The following PTPRJ variants were observed in gnomAD, a reference collection of about 807,000 sequenced individuals.
PTPRJ encodes receptor-type tyrosine-protein phosphatase eta.
A neutral mutation model predicts 141.3 loss-of-function variants in PTPRJ; 129 were observed. That is an observed-to-expected ratio of 0.91 (90% CI 0.79 to 1.06). The LOEUF (loss-of-function observed/expected upper bound fraction) is 1.06. PTPRJ is among the 50% of genes least tolerant of loss of function. The probability of loss-of-function intolerance (pLI) is 0.00; values close to 1 mark genes in which losing one functional copy is unlikely to be tolerated. For synonymous variants in PTPRJ, 610 were observed against 640.5 expected, an observed-to-expected ratio of 0.95 and a Z score of 0.72; for missense variants, 1,601 against 1,679.7, an observed-to-expected ratio of 0.95 and a Z score of 0.82.
At chr11:48,001,942 G>T (rs765771129) in intron 1 of PTPRJ, among the ~76,000 whole-genome samples, 1 of 151,930 alleles carries the variant, frequency 6.6e-6, no homozygotes, top group Admixed American at 6.6e-5. Flanking sequence ...TGACTGTTTT[G>T]TTGTTCAAGT....
At chr11:48,105,693 G>C (rs1395408978) in intron 1 of PTPRJ, among the ~76,000 whole-genome samples, 1 of 152,182 alleles carries the variant, frequency 6.6e-6, no homozygotes, top group Non-Finnish European at 1.5e-5. Flanking sequence ...CTGTCAGGCT[G>C]ACGGGCTTTC....
chr11:48,075,337 G>A (rs909360714), intron 1 of PTPRJ, among the ~76,000 whole-genome samples: 5 of 152,082 alleles, frequency 3.3e-5, no homozygotes, highest in African/African-American at 1.2e-4. Flanking sequence ...ATGTTGGCCA[G>A]GCTGGTCTTG....
chr11:48,165,541 C>T (rs558059815), intron 24 of PTPRJ, among the ~76,000 whole-genome samples: 6 of 152,212 alleles, frequency 3.9e-5, no homozygotes, highest in Admixed American at 2.6e-4. Flanking sequence ...ATCAGGCTAT[C>T]GTCCTGTACC....
chr11:48,137,449 T>C (rs1857131495), intron 10 of PTPRJ, among the ~76,000 whole-genome samples, 168 bp downstream of exon 10: 1 of 152,210 alleles, frequency 6.6e-6, no homozygotes, highest in Non-Finnish European at 1.5e-5. Flanking sequence ...GATGCCCTCA[T>C]CATTTCTGCA....
intron 3 of PTPRJ, among the ~76,000 whole-genome samples, chr11:48,116,532 A>G (rs1427511894): frequency 6.6e-6 from 1 of 152,242 alleles, no homozygotes; most frequent in African/African-American, 2.4e-5. Flanking sequence ...CAGGAAATCA[A>G]TAAGGAAGCA....
At chr11:48,073,340 G>T (rs1289193625) in intron 1 of PTPRJ, among the ~76,000 whole-genome samples, 2 of 152,220 alleles carry the variant, frequency 1.3e-5, no homozygotes, top group Non-Finnish European at 2.9e-5. Flanking sequence ...AGGTGCAGCT[G>T]CTGTGATGGT....
intron 1 of PTPRJ, among the ~76,000 whole-genome samples, chr11:48,102,585 T>A (rs1232961842): frequency 2.0e-5 from 3 of 151,842 alleles, no homozygotes; most frequent in East Asian, 1.9e-4. Flanking sequence ...GTATATATAT[T>A]TTTTTCAGTA....
chr11:48,029,211 A>G (rs1853914041), intron 1 of PTPRJ, among the ~76,000 whole-genome samples: 1 of 152,202 alleles, frequency 6.6e-6, no homozygotes, highest in Non-Finnish European at 1.5e-5. Context: ...TTCTTGGGTC[A>G]GGTGAGCCTC....
At chr11:48,119,711 G>C (rs1041739547) in intron 3 of PTPRJ, among the ~76,000 whole-genome samples, 2 of 152,144 alleles carry the variant, frequency 1.3e-5, no homozygotes, top group African/African-American at 4.8e-5. Flanking sequence ...GCTTCCTGCA[G>C]TTTTTTTATT....
intron 8 of PTPRJ, among the ~76,000 whole-genome samples, chr11:48,135,297 C>T (rs1357919672): frequency 6.6e-6 from 1 of 151,214 alleles, no homozygotes; most frequent in Non-Finnish European, 1.5e-5. Flanking sequence ...GCCTCAGCCT[C>T]CCAAGTAGCT....
chr11:48,045,514 C>T lies in PTPRJ; in HGVS notation c.96+64506C>T, dbSNP rs188199896. ...CTTTGTCCAAGTAATAAATGGAAACCGTTTGCTCCCGACTTTTGCAGATAT... is the reference window on the plus strand; with the variant it reads ...CTTTGTCCAAGTAATAAATGGAAACTGTTTGCTCCCGACTTTTGCAGATAT... On this transcript the variant is annotated intron_variant, in intron 1 of 24. Transcript: ENST00000418331. Among the ~76,000 whole-genome samples the T allele has an allele frequency of 1.3e-4, 20 of 152,274 alleles. No individual in the cohort carries two copies. In the East Asian group the frequency reaches 3.1e-3, roughly 23 times the overall value.
At chr11:48,161,518 G>C (rs933480119) in intron 22 of PTPRJ, among the ~76,000 whole-genome samples, 3 of 152,134 alleles carry the variant, frequency 2.0e-5, no homozygotes, top group Non-Finnish European at 4.4e-5. Flanking sequence ...TCCTCCTCTG[G>C]AGATGCCATC....
chr11:48,002,907 A>G (rs546116687), intron 1 of PTPRJ, among the ~76,000 whole-genome samples: 1 of 152,276 alleles, frequency 6.6e-6, no homozygotes, highest in Admixed American at 6.5e-5. Context: ...CTAGTTAGGT[A>G]ACAGTGGTAT....
chr11:48,018,446 A>G (rs999459404), intron 1 of PTPRJ, among the ~76,000 whole-genome samples: 5 of 152,158 alleles, frequency 3.3e-5, no homozygotes, highest in African/African-American at 1.2e-4. Context: ...AGACCCTGGA[A>G]TGGCTGAGAG....
Position 48,136,311 on chromosome 11 carries a change from A to G in PTPRJ, c.1873+15A>G. 6.2e-7 allele frequency: 1 copy of G among 1,611,280 alleles called. No individual in the cohort carries two copies. The highest frequency in any genetic ancestry group is 8.5e-7 in the Non-Finnish European group (1 of 1,178,288). The stretch of plus-strand genomic sequence containing the variant: ...ACAGTACACACGTAAGTCTCTTAGG[A>G]TGCCCTTCTAAGGAACAGCCTCTCT... On this transcript the variant is annotated intron_variant, in intron 9 of 24. Transcript: ENST00000418331.
rs767790328 is a variant in PTPRJ, at chr11:48,163,521, G to C, written c.3622G>C (p.Val1208Leu). The change falls in exon 23 of 25, where the codon GTT becomes CTT. Residue 1208 changes from valine (V) to leucine (L), a missense_variant. Physicochemically the swap from Val to Leu is conservative, Grantham distance 32 (BLOSUM62 1). Coordinates refer to ENST00000418331, the MANE Select transcript of PTPRJ (RefSeq NM_002843.4). Reference sequence around the variant, plus strand: ...TTTCACCTCCTGGCCAGACCACGGTGTTCCCGACACCACTGACCTGCTCAT... The same window carrying C: ...TTTCACCTCCTGGCCAGACCACGGTCTTCCCGACACCACTGACCTGCTCAT... ...FHFTSWPDHG[V>L]PDTTDLLINF... 6.2e-7 allele frequency: 1 copy of C among 1,613,944 alleles called. No homozygotes were observed. The highest frequency in any genetic ancestry group is 2.2e-5 in the East Asian group (1 of 44,882).
intron 1 of PTPRJ, among the ~76,000 whole-genome samples, chr11:48,085,120 A>C (rs1855664051): frequency 6.6e-6 from 1 of 152,186 alleles, no homozygotes; most frequent in Admixed American, 6.5e-5. Flanking sequence ...TCTCAACTGC[A>C]TGTTTTTGTG....
intron 1 of PTPRJ, among the ~76,000 whole-genome samples, chr11:47,985,666 G>T (rs1302060637): frequency 1.3e-5 from 2 of 149,170 alleles, no homozygotes; most frequent in Non-Finnish European, 3.0e-5. Context: ...AGAGGAGGTG[G>T]CAGACATTTA....
rs1403520819 is a variant in PTPRJ, at chr11:48,168,558, A to G, written c.*1196A>G. 1.7e-5 allele frequency: 2 copies of G among 121,136 alleles called. No individual in the cohort carries two copies. The highest frequency in any genetic ancestry group is 3.1e-5 in the African/African-American group (1 of 32,490). The allele number at this position is 121,136 out of a possible 1,614,324, so 7.5% of individuals were successfully genotyped here. ...TGTATATATATATATATATATATAT[A>G]TATATATATATATATATATATATAC... On this transcript the variant is annotated 3_prime_UTR_variant, in exon 25 of 25. Coordinates refer to ENST00000418331, the MANE Select transcript of PTPRJ (RefSeq NM_002843.4).
Sources: allele counts gnomAD v4.1 joint callset (sites outside exome capture counted in the v4.1 genomes callset), GRCh38; gene constraint gnomAD v4.1.1; transcripts MANE v1.5; gene names NCBI Gene and HGNC (gene_info 2026-07-23, HGNC 2026-07-21).